Variants in NSRP1 observed in about 807,000 individuals in gnomAD.
The protein encoded by NSRP1 is nuclear speckle splicing regulatory protein 1.
NSRP1 carries 24 observed loss-of-function variants against 54.7 expected under a neutral mutation model. The ratio of observed to expected loss-of-function variants is 0.44; its 90% CI spans 0.32 to 0.62. The LOEUF is 0.62. Among genes scored for constraint, NSRP1 ranks in the 20% least tolerant of loss-of-function variants. The probability of loss-of-function intolerance (pLI) is 0.06; values close to 1 mark genes in which losing one functional copy is unlikely to be tolerated. For synonymous variants in NSRP1, 210 were observed against 213.8 expected, an observed-to-expected ratio of 0.98 and a Z score of 0.15; for missense variants, 596 against 651.2, an observed-to-expected ratio of 0.92 and a Z score of 0.92.
chr17:30,157,275 A>G (rs1156396325), intron 2 of NSRP1, among the ~76,000 whole-genome samples: 1 of 152,006 alleles, frequency 6.6e-6, no homozygotes, highest in African/African-American at 2.4e-5. Context: ...CCTGTTGGCT[A>G]CTCATATGTA....
intron 2 of NSRP1, chr17:30,156,478 C>T (rs567879110): frequency 6.6e-6 from 1 of 151,250 alleles, no homozygotes; most frequent in South Asian, 2.1e-4. Flanking sequence ...AAGATAATGA[C>T]CTTCAGTTTC....
chr17:30,134,157 A>G (rs1303654495), intron 2 of NSRP1, among the ~76,000 whole-genome samples: 3 of 152,184 alleles, frequency 2.0e-5, no homozygotes, highest in Non-Finnish European at 4.4e-5. Flanking sequence ...GAGAGAGGAA[A>G]ACACCGGTTG....
intron 6 of NSRP1, among the ~76,000 whole-genome samples, chr17:30,181,959 G>C (rs549271647): frequency 2.0e-5 from 3 of 151,264 alleles, no homozygotes; most frequent in Non-Finnish European, 4.4e-5. Context: ...GCCCAGGCTG[G>C]TCTTGAACTC....
In NSRP1 at chr17:30,126,660, G is replaced by A. The variant is rs571130017; in HGVS notation, c.114+8487G>A. Among the ~76,000 whole-genome samples, 4 of 152,160 alleles carry A rather than the reference G, an allele frequency of 2.6e-5. No homozygotes were observed. The South Asian group carries it at 8.3e-4, about 32-fold the overall frequency. On this transcript the variant is annotated intron_variant, in intron 2 of 6. Coordinates refer to ENST00000247026, the MANE Select transcript of NSRP1 (RefSeq NM_032141.4). ...CTGGAGTGCAGTGGTGCGATTTTGG[G>A]TCACTGCAACCTCCGCTTCCCAGCC...
intron 2 of NSRP1, among the ~76,000 whole-genome samples, chr17:30,160,347 CTT>C (rs776801783): frequency 1.3e-5 from 2 of 152,096 alleles, no homozygotes; most frequent in Non-Finnish European, 2.9e-5. Context: ...ATTCCCTTCT[CTT>C]TTATTTTTTG....
chr17:30,148,033 G>A (rs569972918), intron 2 of NSRP1, among the ~76,000 whole-genome samples: 4 of 149,988 alleles, frequency 2.7e-5, no homozygotes, highest in African/African-American at 9.8e-5. Context: ...GGCTCATCTT[G>A]CGAACTCCTG....
At chr17:30,135,083 G>A (rs1374340590) in intron 2 of NSRP1, among the ~76,000 whole-genome samples, 2 of 152,146 alleles carry the variant, frequency 1.3e-5, no homozygotes, top group East Asian at 3.9e-4. Context: ...AGAAATTTGT[G>A]GAGTGGCTTT....
chr17:30,163,889 T>C (rs1904632366), intron 2 of NSRP1, among the ~76,000 whole-genome samples: 1 of 151,982 alleles, frequency 6.6e-6, no homozygotes, highest in Non-Finnish European at 1.5e-5. Flanking sequence ...TTTTACCACG[T>C]TGGCAAGGCT....
At chr17:30,162,088 C>T (rs1328853452) in intron 2 of NSRP1, among the ~76,000 whole-genome samples, 3 of 148,646 alleles carry the variant, frequency 2.0e-5, no homozygotes, top group Non-Finnish European at 4.4e-5. Flanking sequence ...GTGGCGCAGT[C>T]TCAGCTCACT....
In NSRP1 at chr17:30,163,704, G is replaced by C. The variant is rs1186663866; in HGVS notation, c.115-8838G>C. On this transcript the variant is annotated intron_variant, in intron 2 of 6. Transcript: ENST00000247026. ...CTTTTTTTTTTTTTTTTTTTTTTGAGATAGTCTCCCTCTGTCACCCAGGCT... is the reference window on the plus strand; with the variant it reads ...CTTTTTTTTTTTTTTTTTTTTTTGACATAGTCTCCCTCTGTCACCCAGGCT... 3.0e-5 allele frequency among the ~76,000 whole-genome samples: 3 copies of C among 99,424 alleles called. No individual in the cohort carries two copies. In the East Asian group the frequency reaches 1.2e-3, roughly 40 times the overall value. 65.2% of individuals were successfully genotyped at this position (99,424 alleles called of 152,430 possible).
rs547806434 is a variant in NSRP1 at position 30,182,586 on chromosome 17, G to A, written c.617+1570G>A. Reference sequence around the variant, plus strand: ...AAACTCGGGAGGCGGAGATTGCAGTGAGCTGAGATAGCGCCACTGCACTCC... The same window carrying A: ...AAACTCGGGAGGCGGAGATTGCAGTAAGCTGAGATAGCGCCACTGCACTCC... On this transcript the variant is annotated intron_variant, in intron 6 of 6. Coordinates refer to ENST00000247026, the MANE Select transcript of NSRP1 (RefSeq NM_032141.4). Among the ~76,000 whole-genome samples the A allele has an allele frequency of 3.9e-5, 6 of 152,244 alleles. No homozygotes were observed. In the East Asian group the frequency reaches 9.7e-4, roughly 25 times the overall value.
intron 2 of NSRP1, among the ~76,000 whole-genome samples, chr17:30,121,744 AT>A (rs968500477): frequency 6.6e-6 from 1 of 151,742 alleles, no homozygotes; most frequent in African/African-American, 2.4e-5. Context: ...TAATTTTTGT[AT>A]TTTTAGTAGA....
chr17:30,144,068 T>C (rs1002576931), intron 2 of NSRP1: 23 of 152,030 alleles, frequency 1.5e-4, no homozygotes, highest in African/African-American at 5.1e-4. Context: ...TGATTTTTTT[T>C]CCCTTTAATC....
chr17:30,133,034 G>T (rs1472316930), intron 2 of NSRP1, among the ~76,000 whole-genome samples: 1 of 152,052 alleles, frequency 6.6e-6, no homozygotes, highest in Non-Finnish European at 1.5e-5. Context: ...CTGTCGCCTG[G>T]GCTCAAACGA....
chr17:30,127,483 C>T lies in NSRP1; in HGVS notation c.114+9310C>T, dbSNP rs145214270. On this transcript the variant is annotated intron_variant, in intron 2 of 6. Transcript: ENST00000247026. Reference sequence around the variant, plus strand: ...AGGCTGGAGTGCAGTGGTATGATCACGGCTCACTGCAACCTCTACCTTCTG... The same window carrying T: ...AGGCTGGAGTGCAGTGGTATGATCATGGCTCACTGCAACCTCTACCTTCTG... 3.2e-3 allele frequency among the ~76,000 whole-genome samples: 494 copies of T among 152,242 alleles called. 2 individuals carry two copies. The highest frequency in any genetic ancestry group is 0.01 in the Middle Eastern group (3 of 294).
At chr17:30,147,132 C>CTTTTCT (rs1555579400) in intron 2 of NSRP1, among the ~76,000 whole-genome samples, 2 of 140,394 alleles carry the variant, frequency 1.4e-5, no homozygotes, top group Admixed American at 7.1e-5. Context: ...CTTTTCTTTT[C>CTTTTCT]TTTTTTTTTT....
At chr17:30,152,365 G>T (rs1019034553) in intron 2 of NSRP1, among the ~76,000 whole-genome samples, 2 of 150,264 alleles carry the variant, frequency 1.3e-5, no homozygotes, top group East Asian at 3.9e-4. Flanking sequence ...TGATCTGCCC[G>T]CCTCAGCCTC....
chr17:30,171,590 AGCCACCGC>A (rs1904935063), intron 2 of NSRP1, among the ~76,000 whole-genome samples: 1 of 152,052 alleles, frequency 6.6e-6, no homozygotes, highest in African/African-American at 2.4e-5. Flanking sequence ...TACAGGCATG[AGCCACCGC>A]GCCTGGCCAT....
chr17:30,135,572 C>T (rs1015264235), intron 2 of NSRP1, among the ~76,000 whole-genome samples: 3 of 151,958 alleles, frequency 2.0e-5, no homozygotes, highest in Non-Finnish European at 4.4e-5. Flanking sequence ...CTCCCGGGTT[C>T]ACGCCATTCT....
Sources: allele counts gnomAD v4.1 joint callset (sites outside exome capture counted in the v4.1 genomes callset), GRCh38; gene constraint gnomAD v4.1.1; transcripts MANE v1.5; gene names NCBI Gene and HGNC (gene_info 2026-07-23, HGNC 2026-07-21).